The following ZNF264 variants were observed in gnomAD, a reference collection of about 807,000 sequenced individuals.
ZNF264 encodes zinc finger protein 264.
A neutral mutation model predicts 11.2 loss-of-function variants in ZNF264; 11 were observed. That is an observed-to-expected ratio of 0.98 (90% confidence interval 0.62 to 1.63). ZNF264 has a LOEUF of 1.63. Ranked by LOEUF, ZNF264 falls within the 40% of genes most tolerant of loss-of-function variation. ZNF264 has a pLI of 0.00. For missense variants in ZNF264, 752 were observed against 768.1 expected (o/e 0.98, Z 0.25); for synonymous variants, 309 against 279.8 (o/e 1.10, Z -1.04).
chr19:57,206,039 G>A (rs1385495429), intron 3 of ZNF264, among the ~76,000 whole-genome samples: 3 of 152,176 alleles, frequency 2.0e-5, no homozygotes, highest in Non-Finnish European at 4.4e-5. Context: ...CGAGCTGGCA[G>A]AGAATTGAGG....
intron 1 of ZNF264, among the ~76,000 whole-genome samples, chr19:57,192,922 G>T (rs1346757801): frequency 6.6e-6 from 1 of 151,932 alleles, no homozygotes; most frequent in African/African-American, 2.4e-5. Context: ...GTAGAGACTG[G>T]GTTTCACCAT....
intron 3 of ZNF264, among the ~76,000 whole-genome samples, chr19:57,207,736 T>C (rs998630061): frequency 5.3e-5 from 8 of 151,726 alleles, no homozygotes; most frequent in African/African-American, 4.8e-5. Context: ...TGTTTTGTTT[T>C]GTTTTTTGAG....
chr19:57,216,340 G>C lies in ZNF264; in HGVS notation c.*3359G>C, dbSNP rs994537507. ...CACTCCAGCCTGGGCAACAGAGCGA[G>C]ACTCTGTCTCAACAACAACAACAAA... is the stretch of plus-strand genomic sequence containing the variant. On this transcript the variant is annotated 3_prime_UTR_variant, in exon 4 of 4. Coordinates refer to ENST00000263095, the MANE Select transcript of ZNF264 (RefSeq NM_003417.5). 1 of 152,292 alleles carries C rather than the reference G, an allele frequency of 6.6e-6. No homozygotes were observed. Among genetic ancestry groups the C allele is most frequent in the Non-Finnish European group, 1.5e-5 (1 of 68,112 alleles). 9.4% of individuals were successfully genotyped at this position (152,292 alleles called of 1,614,324 possible).
Position 57,191,902 on chromosome 19 carries a change from G to T in ZNF264, c.-12G>T. 2 of 1,496,654 alleles carry T rather than the reference G, an allele frequency of 1.3e-6. No individual in the cohort carries two copies. Among genetic ancestry groups the T allele is most frequent in the East Asian group, 2.6e-5 (1 of 38,120 alleles). 92.7% of individuals were successfully genotyped at this position (1,496,654 alleles called of 1,614,324 possible). Reference sequence around the variant, plus strand: ...TCCTCTGTCCCAGCTCTGCGGCCCAGGGGGTGACGTGATGGCGGCAGCGGT... The same window carrying T: ...TCCTCTGTCCCAGCTCTGCGGCCCATGGGGTGACGTGATGGCGGCAGCGGT... On this transcript the variant is annotated 5_prime_UTR_variant, in exon 1 of 4. In the 5' UTR this introduces an upstream ATG that the reference lacks. Coordinates refer to ENST00000263095, the MANE Select transcript of ZNF264 (RefSeq NM_003417.5).
chr19:57,200,593 G>GTCTTGTCTTT (rs1305015582), intron 2 of ZNF264, among the ~76,000 whole-genome samples: 6 of 142,734 alleles, frequency 4.2e-5, no homozygotes, highest in African/African-American at 1.5e-4. Context: ...GTCTTGTCTT[G>GTCTTGTCTTT]TCTTTTCTCT....
In ZNF264 at chr19:57,217,659, C is replaced by T. The variant is rs567327200; in HGVS notation, c.*4678C>T. 2.6e-5 allele frequency: 4 copies of T among 151,796 alleles called. No individual in the cohort carries two copies. Among genetic ancestry groups the T allele is most frequent in the Non-Finnish European group, 4.4e-5 (3 of 67,918 alleles). The allele number at this position is 151,796 out of a possible 1,614,324, so 9.4% of individuals were successfully genotyped here. The stretch of plus-strand genomic sequence containing the variant: ...TGAACTCTTGACCTCATGATCCACC[C>T]GCCTCGGCCCCCCAAAGTGCTGGGG... On this transcript the variant is annotated 3_prime_UTR_variant, in exon 4 of 4. Coordinates refer to ENST00000263095, the MANE Select transcript of ZNF264 (RefSeq NM_003417.5).
In ZNF264 at chr19:57,212,230, A is replaced by G; in HGVS notation, c.1133A>G (p.Lys378Arg). 1 of 1,614,172 alleles carries G rather than the reference A, an allele frequency of 6.2e-7. No homozygotes were observed. Among genetic ancestry groups the G allele is most frequent in the Non-Finnish European group, 8.5e-7 (1 of 1,180,022 alleles). Reference sequence around the variant, plus strand: ...CCCTATGAGTGCAGTGAATGTGGGAAGGTCTTCTTGGAGAGTGCAGCCCTG... The same window carrying G: ...CCCTATGAGTGCAGTGAATGTGGGAGGGTCTTCTTGGAGAGTGCAGCCCTG... Reference protein sequence around the residue: ...EKPYECSECGKVFLESAALIH... With the variant: ...EKPYECSECGRVFLESAALIH... The change falls in exon 4 of 4, where the codon AAG (lysine) becomes AGG (arginine). Residue 378 changes from lysine to arginine, a missense_variant. Lys to Arg is a conservative substitution (Grantham distance 26, BLOSUM62 2). Coordinates refer to ENST00000263095, the MANE Select transcript of ZNF264 (RefSeq NM_003417.5).
intron 2 of ZNF264, among the ~76,000 whole-genome samples, chr19:57,196,692 A>G (rs1486188936): frequency 6.6e-6 from 1 of 151,908 alleles, no homozygotes; most frequent in African/African-American, 2.4e-5. Context: ...TTGATTATTA[A>G]AACCTTTCTC....
chr19:57,212,249 A>T lies in ZNF264; in HGVS notation c.1152A>T (p.Ala384=). Residue 384 remains alanine, a synonymous_variant, in exon 4 of 4, where the codon GCA becomes GCT. Coordinates refer to ENST00000263095, the MANE Select transcript of ZNF264 (RefSeq NM_003417.5). ...SECGKVFLES[A]ALIHHYVIHT... is the part of the protein sequence containing the mutation. ...GTGGGAAGGTCTTCTTGGAGAGTGC[A>T]GCCCTGATTCACCACTATGTCATCC... is the stretch of plus-strand genomic sequence containing the variant. 6.2e-7 allele frequency: 1 copy of T among 1,613,928 alleles called. No individual in the cohort carries two copies. The highest frequency in any genetic ancestry group is 1.3e-5 in the African/African-American group (1 of 74,936).
intron 1 of ZNF264, among the ~76,000 whole-genome samples, chr19:57,193,164 A>G (rs553968701): frequency 5.9e-5 from 9 of 152,318 alleles, no homozygotes; most frequent in Non-Finnish European, 4.4e-5. Context: ...ACCGTGAATC[A>G]TAGTAACCCC....
intron 2 of ZNF264, among the ~76,000 whole-genome samples, chr19:57,198,703 G>A (rs753117670): frequency 3.3e-5 from 5 of 151,822 alleles, no homozygotes; most frequent in Admixed American, 1.3e-4. Flanking sequence ...TGGAATCAGC[G>A]TCAGCTCGGA....
At position 57,212,551 on chromosome 19, in the gene ZNF264, G is replaced by A. The variant is rs2087348054; in HGVS notation, c.1454G>A (p.Cys485Tyr). The change falls in exon 4 of 4, where the codon TGC (cysteine) becomes TAC (tyrosine). Residue 485 changes from cysteine (C) to tyrosine (Y), a missense_variant. Cys to Tyr is a radical substitution (Grantham distance 194). Coordinates refer to ENST00000263095, the MANE Select transcript of ZNF264 (RefSeq NM_003417.5). ...CACACTGGAGAGAAGCCCTATGAGT[G>A]CGTGGAGTGTGGAAAGGCCTTCACC... ...SIHTGEKPYE[C>Y]VECGKAFTRM... 3 of 1,614,108 alleles carry A rather than the reference G, an allele frequency of 1.9e-6. No individual in the cohort carries two copies. Among genetic ancestry groups the A allele is most frequent in the African/African-American group, 1.3e-5 (1 of 74,940 alleles).
rs1446210475 is a variant in ZNF264 at position 57,212,283 on chromosome 19, G to A, written c.1186G>A (p.Glu396Lys). The A allele has an allele frequency of 3.1e-6, 5 of 1,614,088 alleles. No individual in the cohort carries two copies. Among genetic ancestry groups the A allele is most frequent in the Non-Finnish European group, 2.5e-6 (3 of 1,180,030 alleles). The stretch of plus-strand genomic sequence containing the variant: ...TCACCACTATGTCATCCACACTGGA[G>A]AGAAGCCCTTTGAGTGCCTCGAGTG... ...LIHHYVIHTGEKPFECLECGK... is the reference protein window; with the variant it reads ...LIHHYVIHTGKKPFECLECGK... The change falls in exon 4 of 4, where the codon GAG becomes AAG. Residue 396 changes from glutamate to lysine, a missense_variant. Coordinates refer to ENST00000263095, the MANE Select transcript of ZNF264 (RefSeq NM_003417.5).
chr19:57,192,755 A>AG (rs2087183829), intron 1 of ZNF264, among the ~76,000 whole-genome samples: 1 of 151,938 alleles, frequency 6.6e-6, no homozygotes, highest in African/African-American at 2.4e-5. Flanking sequence ...GTTTTGAGAC[A>AG]GGGTCTCACT....
At position 57,212,333 on chromosome 19, in the gene ZNF264, C is replaced by A. The variant is rs1348334064; in HGVS notation, c.1236C>A (p.Ser412=). Residue 412 remains serine, a synonymous_variant, in exon 4 of 4, where the codon TCC becomes TCA. Coordinates refer to ENST00000263095, the MANE Select transcript of ZNF264 (RefSeq NM_003417.5). ...LECGKAFNHR[S]YLKRHQRIHT... ...GTGGGAAGGCTTTCAACCACCGATC[C>A]TACCTCAAGAGGCACCAGCGGATTC... 2 of 1,608,164 alleles carry A rather than the reference C, an allele frequency of 1.2e-6. No individual in the cohort carries two copies. The highest frequency in any genetic ancestry group is 1.7e-6 in the Non-Finnish European group (2 of 1,178,012).
At chr19:57,201,913 A>T (rs1409503334) in intron 2 of ZNF264, among the ~76,000 whole-genome samples, 2 of 151,770 alleles carry the variant, frequency 1.3e-5, no homozygotes, top group Non-Finnish European at 2.9e-5. Flanking sequence ...CACCAGTTGT[A>T]TTAATTTGTA....
At chr19:57,200,566 T>TCTTGTGTCTTG (rs1555764428) in intron 2 of ZNF264, among the ~76,000 whole-genome samples, 4 of 102,214 alleles carry the variant, frequency 3.9e-5, no homozygotes, top group African/African-American at 1.1e-4. Context: ...GTGTCTTGTC[T>TCTTGTGTCTTG]TGTCTTGTCT....
chr19:57,192,198 C>T, intron 1 of ZNF264: 1 of 427,772 alleles, frequency 2.3e-6, no homozygotes, highest in Non-Finnish European at 3.1e-6. Flanking sequence ...TGCAAGCATT[C>T]TCTGGTGGAC....
chr19:57,192,621 G>T, intron 1 of ZNF264: 1 of 963,238 alleles, frequency 1.0e-6, no homozygotes, highest in African/African-American at 1.8e-5. Context: ...GGAGATCCCA[G>T]AGGGCATGGG....
Sources: gnomAD v4.1 joint callset for allele counts (sites outside exome capture counted in the v4.1 genomes callset) on GRCh38, gnomAD v4.1.1 for gene constraint, MANE v1.5 for transcripts, NCBI Gene and HGNC (gene_info 2026-07-23, HGNC 2026-07-21) for gene names.